The following PDXK variants were observed in gnomAD, a reference collection of about 807,000 sequenced individuals.
The protein encoded by PDXK is pyridoxal kinase.
PDXK carries 15 observed loss-of-function variants against 43.2 expected under a neutral mutation model. The observed-to-expected ratio is 0.35, with a 90% CI of 0.23 to 0.53. The LOEUF (loss-of-function observed/expected upper bound fraction) is 0.53. PDXK is among the 20% of genes least tolerant of loss of function. The pLI, the probability that PDXK is intolerant of heterozygous loss-of-function variation, is 0.92. For missense variants in PDXK, 343 were observed against 417.0 expected (o/e 0.82, Z 1.54); for synonymous variants, 172 against 165.4 (o/e 1.04, Z -0.31).
rs1247709955 is a variant in PDXK, at chr21:43,739,843, G to A, written c.143-1824G>A. On this transcript the variant is annotated intron_variant, in intron 2 of 10. Transcript: ENST00000291565. ...CCTGCCTGGAAAGATATCAAAATCC[G>A]AGGGCAGAAAGGACCAGGAGGGACC... Among the ~76,000 whole-genome samples the A allele has an allele frequency of 3.3e-5, 5 of 151,714 alleles. 2 individuals are homozygous for A. Among genetic ancestry groups the A allele is most frequent in the Non-Finnish European group, 7.4e-5 (5 of 67,864 alleles).
intron 5 of PDXK, chr21:43,747,137 A>G (rs1050271820): frequency 1.3e-5 from 2 of 152,300 alleles, no homozygotes; most frequent in African/African-American, 4.8e-5. Flanking sequence ...ATCTCAAAAA[A>G]CAAAAGAAAA....
intron 5 of PDXK, among the ~76,000 whole-genome samples, chr21:43,746,592 T>A (rs1400158538): frequency 2.0e-5 from 3 of 152,062 alleles, no homozygotes; most frequent in Admixed American, 6.5e-5. Context: ...AGCTAATTTG[T>A]ATATTTTTAC....
In PDXK at chr21:43,737,153, C is replaced by A; in HGVS notation, c.142+3030C>A. 2.1e-6 allele frequency: 3 copies of A among 1,435,248 alleles called. No homozygotes were observed. The highest frequency in any genetic ancestry group is 2.2e-5 in the Admixed American group (1 of 45,614). 88.9% of individuals were successfully genotyped at this position (1,435,248 alleles called of 1,614,324 possible). A position where few individuals can be genotyped will look rare whatever the true frequency, so the allele number is the denominator to read the frequency against. On this transcript the variant is annotated intron_variant, in intron 2 of 10. Coordinates refer to ENST00000291565, the MANE Select transcript of PDXK (RefSeq NM_003681.5). The surrounding 1 kb of genome is among the most constrained non-coding windows in gnomAD (Gnocchi z 4.8). ...GTGGGCAGCTTCTGCCTGGGATGGG[C>A]CACAAAGCCAGACTCCCGGCAGGGA...
At chr21:43,739,884 C>T (rs989351715) in intron 2 of PDXK, among the ~76,000 whole-genome samples, 2 of 151,816 alleles carry the variant, frequency 1.3e-5, no homozygotes, top group African/African-American at 4.8e-5. Flanking sequence ...TCACCTCCCT[C>T]CTCCTACCCC....
rs964531870 is a variant in PDXK, at chr21:43,732,713, G to A, written c.88-1356G>A. ...TGTATAGAGGCTGTGGATTCGGGCT[G>A]GTACATTTGCAAAGTGCCCATTTTA... On this transcript the variant is annotated intron_variant, in intron 1 of 10. Transcript: ENST00000291565. This position sits in a 1 kb window ranked among gnomAD's most constrained non-coding sequence, Gnocchi z 4.1. The A allele has an allele frequency of 2.8e-6, 2 of 725,896 alleles. No homozygotes were observed. Among genetic ancestry groups the A allele is most frequent in the Non-Finnish European group, 5.0e-6 (2 of 397,424 alleles). The allele number at this position is 725,896 out of a possible 1,614,324, so 45.0% of individuals were successfully genotyped here.
At position 43,761,705 on chromosome 21, in the gene PDXK, C is replaced by G. The variant is rs2083934847; in HGVS notation, c.*5642C>G. 1 of 152,014 alleles carries G rather than the reference C, an allele frequency of 6.6e-6. No homozygotes were observed. Among genetic ancestry groups the G allele is most frequent in the South Asian group, 2.1e-4 (1 of 4,818 alleles). The allele number at this position is 152,014 out of a possible 1,614,324, so 9.4% of individuals were successfully genotyped here. A position where few individuals can be genotyped will look rare whatever the true frequency, so the allele number is the denominator to read the frequency against. ...TGGCAGGAGGAGGGTGGGTGCAGGG[C>G]TGGTGGGACAAAAAGAGGCCTCAGC... On this transcript the variant is annotated 3_prime_UTR_variant, in exon 11 of 11. Coordinates refer to ENST00000291565, the MANE Select transcript of PDXK (RefSeq NM_003681.5).
chr21:43,743,220 C>T (rs1209713764), intron 3 of PDXK, among the ~76,000 whole-genome samples: 13 of 42,376 alleles, frequency 3.1e-4, no homozygotes, highest in African/African-American at 4.7e-4. Context: ...CCCCCCGCCC[C>T]CAGCACTGTG....
intron 1 of PDXK, 35 bp downstream of exon 1, chr21:43,719,416 C>G: frequency 6.7e-7 from 1 of 1,500,288 alleles, no homozygotes; most frequent in Non-Finnish European, 8.9e-7. Context: ...CTTACGTAAC[C>G]CGAGCCCGTG....
rs754566167 is a variant in PDXK, at chr21:43,737,089, C to T, written c.142+2966C>T. 2.7e-5 allele frequency: 23 copies of T among 854,124 alleles called. No homozygotes were observed. Among genetic ancestry groups the T allele is most frequent in the Admixed American group, 6.0e-5 (3 of 50,018 alleles). The allele number at this position is 854,124 out of a possible 1,614,324, so 52.9% of individuals were successfully genotyped here. On this transcript the variant is annotated intron_variant, in intron 2 of 10. Coordinates refer to ENST00000291565, the MANE Select transcript of PDXK (RefSeq NM_003681.5). This position sits in a 1 kb window ranked among gnomAD's most constrained non-coding sequence, Gnocchi z 4.8. ...CTGGGACTATAGTTGTGCACCAGCA[C>T]GCCCACCTCCTGCCCAGGGTTGTTA...
chr21:43,732,563 C>T lies in PDXK; in HGVS notation c.88-1506C>T. 1.1e-6 allele frequency: 1 copy of T among 917,378 alleles called. No individual in the cohort carries two copies. The highest frequency in any genetic ancestry group is 1.7e-5 in the Admixed American group (1 of 59,218). The allele number at this position is 917,378 out of a possible 1,614,324, so 56.8% of individuals were successfully genotyped here. A position where few individuals can be genotyped will look rare whatever the true frequency, so the allele number is the denominator to read the frequency against. ...AGCCCCAAAGGATTAATTATCTACA[C>T]ACCCAGAAGCAGTGGAGCAGAATAT... is the stretch of plus-strand genomic sequence containing the variant. On this transcript the variant is annotated intron_variant, in intron 1 of 10. Coordinates refer to ENST00000291565, the MANE Select transcript of PDXK (RefSeq NM_003681.5). This position sits in a 1 kb window ranked among gnomAD's most constrained non-coding sequence, Gnocchi z 4.1.
intron 9 of PDXK, 100 bp from the exon 10 acceptor site, chr21:43,755,598 G>A: frequency 9.8e-7 from 1 of 1,015,454 alleles, no homozygotes; most frequent in Non-Finnish European, 1.6e-6. Context: ...TCGGAGAGCA[G>A]GACGGCCCTT....
At chr21:43,753,479 C>T in intron 8 of PDXK, 104 bp from the exon 9 acceptor site, 1 of 1,249,864 alleles carries the variant, frequency 8.0e-7, no homozygotes, top group Non-Finnish European at 1.1e-6. Flanking sequence ...TGCTCTGCCC[C>T]TGTGACCCTC....
rs1357383198 is a variant in PDXK, at chr21:43,761,045, G to A, written c.*4982G>A. The stretch of plus-strand genomic sequence containing the variant: ...GATGACTGGTCAATATCTTAAAAAT[G>A]TATATTAGTAAGAAGTTCTTCCTGG... On this transcript the variant is annotated 3_prime_UTR_variant, in exon 11 of 11. Transcript: ENST00000291565. 1 of 152,178 alleles carries A rather than the reference G, an allele frequency of 6.6e-6. No homozygotes were observed. The highest frequency in any genetic ancestry group is 1.5e-5 in the Non-Finnish European group (1 of 68,030). The allele number at this position is 152,178 out of a possible 1,614,324, so 9.4% of individuals were successfully genotyped here.
At chr21:43,725,608 G>C (rs1214723676) in intron 1 of PDXK, among the ~76,000 whole-genome samples, 1 of 152,000 alleles carries the variant, frequency 6.6e-6, no homozygotes, top group African/African-American at 2.4e-5. Flanking sequence ...TCAGGAGTTC[G>C]AGACCAGCCT....
intron 2 of PDXK, among the ~76,000 whole-genome samples, chr21:43,739,542 T>TC (rs756133759): frequency 5.4e-5 from 8 of 148,950 alleles, no homozygotes; most frequent in Non-Finnish European, 1.0e-4. Context: ...AACAAACACC[T>TC]CCTTCACATT....
rs1014127228 is a variant in PDXK at position 43,754,780 on chromosome 21, C to T, written c.760-918C>T. ...CAGAGGTCAGGACCTGCAGGTGGCTCTCCCTGTGCTGTCTTTGCCGGGCCG... is the reference window on the plus strand; with the variant it reads ...CAGAGGTCAGGACCTGCAGGTGGCTTTCCCTGTGCTGTCTTTGCCGGGCCG... On this transcript the variant is annotated intron_variant, in intron 9 of 10. Coordinates refer to ENST00000291565, the MANE Select transcript of PDXK (RefSeq NM_003681.5). The surrounding 1 kb of genome is among the most constrained non-coding windows in gnomAD (Gnocchi z 5.5). 5.9e-5 allele frequency among the ~76,000 whole-genome samples: 9 copies of T among 152,164 alleles called. No individual in the cohort carries two copies. Among genetic ancestry groups the T allele is most frequent in the African/African-American group, 1.9e-4 (8 of 41,434 alleles).
chr21:43,729,314 T>A (rs183813216), intron 1 of PDXK, among the ~76,000 whole-genome samples: 12 of 152,372 alleles, frequency 7.9e-5, no homozygotes, highest in Admixed American at 3.3e-4. Flanking sequence ...ACCCTCGTTC[T>A]TCGCGTGCTG....
At chr21:43,747,987 G>A (rs1236245489) in intron 5 of PDXK, among the ~76,000 whole-genome samples, 9 of 152,208 alleles carry the variant, frequency 5.9e-5, no homozygotes, top group Non-Finnish European at 8.8e-5. Context: ...AGCGGCCGGC[G>A]TGTGACCACT....
chr21:43,727,723 A>G lies in PDXK; in HGVS notation c.88-6346A>G, dbSNP rs569483808. On this transcript the variant is annotated intron_variant, in intron 1 of 10. Transcript: ENST00000291565. ...AGCCAGCACTAGGTGGAGCTCTGCC[A>G]GCCGGGGCACAGGGAGGAACAGCAT... is the stretch of plus-strand genomic sequence containing the variant. Among the ~76,000 whole-genome samples, 50 of 152,300 alleles carry G rather than the reference A, an allele frequency of 3.3e-4. No individual in the cohort carries two copies. In the East Asian group the frequency reaches 7.6e-3, roughly 23 times the overall value.
Sources: allele counts gnomAD v4.1 joint callset (sites outside exome capture counted in the v4.1 genomes callset), GRCh38; gene constraint gnomAD v4.1.1; non-coding constraint Gnocchi (gnomAD v3.1); transcripts MANE v1.5; gene names NCBI Gene and HGNC (gene_info 2026-07-23, HGNC 2026-07-21).